The following DORIP1 variants were observed in gnomAD, a reference collection of about 807,000 sequenced individuals.
DORIP1 encodes the protein dopamine receptor interacting protein 1.
At chr14:44,905,540 C>G in the DORIP1 span, 1 of 1,509,926 alleles carries the variant, frequency 6.6e-7, no homozygotes, top group Non-Finnish European at 9.0e-7. Flanking sequence ...ATTCGAGCAA[C>G]AGAGAAATAA....
At chr14:44,900,729 C>T in the DORIP1 span, 21 of 1,613,862 alleles carry the variant, frequency 1.3e-5, no homozygotes, top group African/African-American at 1.6e-4. Context: ...TAATGGACAC[C>T]TACAGTTTTA....
the DORIP1 span, chr14:44,903,581 T>C: frequency 7.7e-6 from 8 of 1,040,056 alleles, no homozygotes; most frequent in African/African-American, 1.2e-4. Flanking sequence ...ATTATCTGGA[T>C]TTTTTTCTGC....
At chr14:44,898,053 A>T in the DORIP1 span, among the ~76,000 whole-genome samples, 1 of 152,200 alleles carries the variant, frequency 6.6e-6, no homozygotes, top group Non-Finnish European at 1.5e-5. Context: ...GTTTTGTCAA[A>T]GAAATAGAGG....
the DORIP1 span, chr14:44,900,320 A>T: frequency 2.0e-4 from 204 of 1,023,046 alleles, no homozygotes; most frequent in African/African-American, 3.0e-3. Context: ...TGGGAGGCCT[A>T]ATAACCACAT....
At chr14:44,905,151 A>G in the DORIP1 span, 1 of 369,006 alleles carries the variant, frequency 2.7e-6, no homozygotes, top group East Asian at 4.0e-5. Context: ...TAAAAGAAAC[A>G]TACAGGTTAT....
chr14:44,898,502 T>G, the DORIP1 span, among the ~76,000 whole-genome samples: 1 of 152,214 alleles, frequency 6.6e-6, no homozygotes, highest in Non-Finnish European at 1.5e-5. Flanking sequence ...TCAGGCTCTT[T>G]AAGCAATCTT....
the DORIP1 span, chr14:44,904,640 T>C: frequency 3.5e-6 from 4 of 1,127,776 alleles, no homozygotes; most frequent in Admixed American, 1.3e-4. Flanking sequence ...ATCATATCTG[T>C]CTCTAAATTT....
chr14:44,900,361 C>T, the DORIP1 span: 15 of 1,258,000 alleles, frequency 1.2e-5, no homozygotes, highest in South Asian at 1.1e-4. Context: ...GATTTATTTT[C>T]GTTTAAACAT....
the DORIP1 span, chr14:44,900,871 C>A: frequency 1.2e-6 from 2 of 1,613,982 alleles, no homozygotes; most frequent in Non-Finnish European, 1.7e-6. Context: ...TCTTGAAAAT[C>A]TCATGTCTAC....
At chr14:44,905,461 C>A in the DORIP1 span, 1 of 1,569,124 alleles carries the variant, frequency 6.4e-7, no homozygotes, top group Non-Finnish European at 8.7e-7. Context: ...CTATGATGGG[C>A]TCAGAAATGT....
chr14:44,903,061 T>C, the DORIP1 span: 1 of 553,860 alleles, frequency 1.8e-6, no homozygotes, highest in South Asian at 3.0e-5. Flanking sequence ...TTCTATACTA[T>C]CTGCAAGAAA....
chr14:44,904,339 T>C, the DORIP1 span: 2 of 1,561,794 alleles, frequency 1.3e-6, no homozygotes, highest in Non-Finnish European at 1.7e-6. Flanking sequence ...CTCTGAAGTG[T>C]TGAAAGCCAG....
At chr14:44,900,694 G>C in the DORIP1 span, 73 of 1,613,680 alleles carry the variant, frequency 4.5e-5, no homozygotes, top group South Asian at 5.6e-4. Flanking sequence ...TTTTGGTAGA[G>C]AGTTTGTAGA....
the DORIP1 span, chr14:44,904,566 TA>T: frequency 5.5e-5 from 85 of 1,532,624 alleles, no homozygotes; most frequent in Middle Eastern, 3.6e-4. Flanking sequence ...ATAAAACTAA[TA>T]AAAAAAATTT....
the DORIP1 span, among the ~76,000 whole-genome samples, chr14:44,898,341 T>TA: frequency 1.3e-5 from 2 of 152,152 alleles, no homozygotes; most frequent in East Asian, 3.9e-4. Flanking sequence ...AGAGAAAGAC[T>TA]AAAGTTTCAT....
At chr14:44,902,733 A>G in the DORIP1 span, among the ~76,000 whole-genome samples, 4 of 152,170 alleles carry the variant, frequency 2.6e-5, no homozygotes, top group East Asian at 1.9e-4. Flanking sequence ...ATCATACTCT[A>G]TAACTTTTAA....
the DORIP1 span, chr14:44,901,076 T>C: frequency 1.0e-6 from 1 of 983,274 alleles, no homozygotes; most frequent in East Asian, 2.6e-5. Context: ...ACATATGCCA[T>C]GCTGGTTTGT....
chr14:44,900,077 G>C, the DORIP1 span, among the ~76,000 whole-genome samples: 1 of 152,072 alleles, frequency 6.6e-6, no homozygotes, highest in East Asian at 1.9e-4. Flanking sequence ...GTGATCGCCC[G>C]CCTCAGCCTC....
At chr14:44,900,108 G>C in the DORIP1 span, among the ~76,000 whole-genome samples, 1 of 152,094 alleles carries the variant, frequency 6.6e-6, no homozygotes, top group African/African-American at 2.4e-5. Context: ...GGGATTACAG[G>C]TGTGAGCCAC....
Sources: gnomAD v4.1 joint callset for allele counts (sites outside exome capture counted in the v4.1 genomes callset) on GRCh38, gnomAD v4.1.1 for gene constraint, MANE v1.5 for transcripts, NCBI Gene and HGNC (gene_info 2026-07-23, HGNC 2026-07-21) for gene names.